The following SLC36A3 variants were observed in gnomAD, a reference collection of about 807,000 sequenced individuals.
The protein encoded by SLC36A3 is solute carrier family 36 member 3.
A neutral mutation model predicts 44.3 loss-of-function variants in SLC36A3; 35 were observed. The observed-to-expected ratio is 0.79, with a 90% CI of 0.60 to 1.05. The LOEUF is 1.05. Among genes scored for constraint, SLC36A3 ranks in the 50% least tolerant of loss-of-function variants. The pLI is 0.00. For synonymous variants in SLC36A3, 211 were observed against 227.6 expected, an observed-to-expected ratio of 0.93 and a Z score of 0.66; for missense variants, 540 against 578.7, an observed-to-expected ratio of 0.93 and a Z score of 0.69.
At chr5:151,290,386 G>A (rs558524937) in intron 4 of SLC36A3, among the ~76,000 whole-genome samples, 68 of 152,152 alleles carry the variant, frequency 4.5e-4, no homozygotes, top group African/African-American at 1.6e-3. Flanking sequence ...GTCTATCTTA[G>A]GAAGATTTTC....
chr5:151,300,741 A>AT (rs755673023), intron 1 of SLC36A3, among the ~76,000 whole-genome samples: 110 of 152,226 alleles, frequency 7.2e-4, no homozygotes, highest in Non-Finnish European at 1.4e-3. Flanking sequence ...TTGGGTTTAT[A>AT]TTTTTTCTCG....
intron 2 of SLC36A3, 21 bp downstream of exon 2, chr5:151,298,572 C>T (rs1200183099): frequency 6.2e-6 from 10 of 1,613,198 alleles, no homozygotes; most frequent in Non-Finnish European, 7.6e-6. Flanking sequence ...ACCTAGTTCC[C>T]ATCCCACAGA....
intron 1 of SLC36A3, among the ~76,000 whole-genome samples, chr5:151,302,705 T>C (rs959734569): frequency 6.6e-6 from 1 of 152,124 alleles, no homozygotes; most frequent in African/African-American, 2.4e-5. Context: ...CAAACCCGCA[T>C]GTCCTGTACA....
At chr5:151,298,492 C>T in intron 2 of SLC36A3, 101 bp downstream of exon 2, 1 of 1,128,744 alleles carries the variant, frequency 8.9e-7, no homozygotes, top group Non-Finnish European at 1.3e-6. Flanking sequence ...GCAGAGGGTA[C>T]CCCCAAATTG....
intron 8 of SLC36A3, among the ~76,000 whole-genome samples, chr5:151,282,888 T>TTC (rs1419375934): frequency 3.6e-5 from 2 of 56,002 alleles, no homozygotes; most frequent in African/African-American, 1.6e-4. Flanking sequence ...CTTTCTTTCT[T>TTC]TTTTTTTTTT....
Position 151,295,851 on chromosome 5 carries a change from G to A in SLC36A3, c.308+329C>T, listed in dbSNP as rs77249191. Among the ~76,000 whole-genome samples the A allele has an allele frequency of 6.3e-3, 955 of 152,304 alleles. 45 individuals are homozygous for A. In the East Asian group the frequency reaches 0.1, roughly 16 times the overall value. On this transcript the variant is annotated intron_variant, in intron 3 of 9. Transcript: ENST00000335230. ...GGGGATGGAGAGGCTAAAAGGAAGA[G>A]AAGAAAGTCTCTGTCTCAAATAAAT...
intron 1 of SLC36A3, among the ~76,000 whole-genome samples, chr5:151,301,795 A>G (rs974185776): frequency 2.0e-5 from 3 of 151,138 alleles, no homozygotes; most frequent in Non-Finnish European, 4.4e-5. Context: ...CTCTTTCTCC[A>G]TTGCAATTCC....
chr5:151,281,630 C>G (rs1754318216), intron 8 of SLC36A3, among the ~76,000 whole-genome samples: 1 of 152,058 alleles, frequency 6.6e-6, no homozygotes, highest in Non-Finnish European at 1.5e-5. Flanking sequence ...CCAGCCTGAC[C>G]AATATGGTGA....
intron 4 of SLC36A3, among the ~76,000 whole-genome samples, chr5:151,292,667 A>G (rs1754802940): frequency 6.6e-6 from 1 of 152,184 alleles, no homozygotes; most frequent in Non-Finnish European, 1.5e-5. Flanking sequence ...CATCCACACT[A>G]GGGAACACTG....
chr5:151,283,553 C>T (rs1383743806), intron 8 of SLC36A3, among the ~76,000 whole-genome samples: 4 of 152,194 alleles, frequency 2.6e-5, no homozygotes, highest in Admixed American at 2.0e-4. Flanking sequence ...ATTGTCTCAT[C>T]TAGTCATTAT....
intron 9 of SLC36A3, among the ~76,000 whole-genome samples, chr5:151,280,767 ACTT>A (rs755121054): frequency 4.6e-5 from 7 of 152,218 alleles, no homozygotes; most frequent in East Asian, 1.9e-4. Flanking sequence ...AATGAATGAT[ACTT>A]CTTCTACAAA....
chr5:151,278,112 G>T (rs1754168936), intron 9 of SLC36A3, among the ~76,000 whole-genome samples: 1 of 152,170 alleles, frequency 6.6e-6, no homozygotes, highest in Non-Finnish European at 1.5e-5. Context: ...CTTGACTCTT[G>T]CCCAGGCTCA....
chr5:151,294,085 TG>T (rs1754865891), intron 3 of SLC36A3, among the ~76,000 whole-genome samples: 1 of 152,040 alleles, frequency 6.6e-6, no homozygotes, highest in South Asian at 2.1e-4. Context: ...GGGGAACAGG[TG>T]GGAGAGAGGA....
chr5:151,288,578 T>C, intron 4 of SLC36A3, 108 bp from the exon 5 acceptor site: 2 of 959,000 alleles, frequency 2.1e-6, no homozygotes, highest in Non-Finnish European at 2.9e-6. Context: ...TTTTTAAAAA[T>C]TTCCCTACTT....
Position 151,284,684 on chromosome 5 carries a change from A to T in SLC36A3, c.736T>A (p.Leu246Met). 1 of 1,613,528 alleles carries T rather than the reference A, an allele frequency of 6.2e-7. No individual in the cohort carries two copies. Among genetic ancestry groups the T allele is most frequent in the African/African-American group, 1.3e-5 (1 of 75,036 alleles). ...EGIPYPSNLP[L>M]MANWKTFLLF... ...AAGAAGGTCTTCCAGTTTGCCATCA[A>T]GGGTAGGTTGCTGGGATATGGAATC... Residue 246 changes from leucine (L) to methionine (M), a missense_variant, in exon 7 of 10, where the codon TTG (leucine) becomes ATG (methionine). Physicochemically the swap from Leu to Met is conservative, Grantham distance 15. Transcript: ENST00000335230.
intron 4 of SLC36A3, among the ~76,000 whole-genome samples, chr5:151,292,992 C>CT (rs1345545677): frequency 2.0e-5 from 3 of 151,756 alleles, no homozygotes; most frequent in African/African-American, 7.3e-5. Flanking sequence ...CCCTCCCCCC[C>CT]CAAAAATGAG....
In SLC36A3 at chr5:151,281,130, G is replaced by A; in HGVS notation, c.1028C>T (p.Ala343Val). 1 of 1,614,150 alleles carries A rather than the reference G, an allele frequency of 6.2e-7. No individual in the cohort carries two copies. Among genetic ancestry groups the A allele is most frequent in the Non-Finnish European group, 8.5e-7 (1 of 1,180,006 alleles). Residue 343 changes from alanine to valine, a missense_variant, in exon 9 of 10, where the codon GCC becomes GTC. By Grantham distance (64) the Ala-to-Val change is moderately conservative (BLOSUM62 0). Transcript: ENST00000335230. ...MYSIGIFFTY[A>V]LQFHVPAEII... ...CTCAGCTGGGACGTGGAACTGGAGG[G>A]CATAGGTGAAGAAGATGCCGATAGA...
intron 4 of SLC36A3, among the ~76,000 whole-genome samples, chr5:151,292,945 T>C (rs1399223738): frequency 3.9e-5 from 6 of 152,070 alleles, no homozygotes; most frequent in African/African-American, 1.4e-4. Context: ...GGTCACGCCA[T>C]TGCACTCCAG....
In SLC36A3 at chr5:151,277,443, G is replaced by A. The variant is rs1754130306; in HGVS notation, c.1363C>T (p.Pro455Ser). Residue 455 changes from proline to serine, a missense_variant, in exon 10 of 10, where the codon CCC becomes TCC. Coordinates refer to ENST00000335230, the MANE Select transcript of SLC36A3 (RefSeq NM_181774.4). ...GCCATGGAATGGCTGATGGGTTGGGGCAACTCATAGAGGGCTTGGTATGTC... is the reference window on the plus strand; with the variant it reads ...GCCATGGAATGGCTGATGGGTTGGGACAACTCATAGAGGGCTTGGTATGTC... ...FGTYQALYEL[P>S]QPISHSMANS... The A allele has an allele frequency of 1.2e-6, 2 of 1,614,106 alleles. No individual in the cohort carries two copies. Among genetic ancestry groups the A allele is most frequent in the Non-Finnish European group, 8.5e-7 (1 of 1,180,008 alleles).
Sources: gnomAD v4.1 joint callset for allele counts (sites outside exome capture counted in the v4.1 genomes callset) on GRCh38, gnomAD v4.1.1 for gene constraint, MANE v1.5 for transcripts, NCBI Gene and HGNC (gene_info 2026-07-23, HGNC 2026-07-21) for gene names.